The following ELMOD3 variants were observed in gnomAD, a reference collection of about 807,000 sequenced individuals.
The protein encoded by ELMOD3 is ELMO domain containing 3.
Under a neutral mutation model 47.4 loss-of-function variants are expected in ELMOD3, and 36 were observed. The ratio of observed to expected loss-of-function variants is 0.76; its 90% confidence interval spans 0.58 to 1.00. ELMOD3 has a LOEUF of 1.00. ELMOD3 is among the 50% of genes least tolerant of loss of function. The pLI is 0.00. For missense variants in ELMOD3, 404 were observed against 463.8 expected (o/e 0.87, Z 1.18); for synonymous variants, 149 against 183.5 (o/e 0.81, Z 1.52).
intron 6 of ELMOD3, among the ~76,000 whole-genome samples, chr2:85,364,473 A>G (rs1236923072): frequency 1.3e-5 from 2 of 151,524 alleles, no homozygotes; most frequent in African/African-American, 4.9e-5. Context: ...AATCCCAGCT[A>G]CTCAGCAGGC....
intron 6 of ELMOD3, among the ~76,000 whole-genome samples, chr2:85,366,186 G>C (rs1684373577): frequency 6.6e-6 from 1 of 150,418 alleles, no homozygotes; most frequent in Non-Finnish European, 1.5e-5. Context: ...GGCCAGGCTG[G>C]TCTCAAACTC....
chr2:85,372,581 TA>T (rs1684871011), intron 10 of ELMOD3: 1 of 152,310 alleles, frequency 6.6e-6, no homozygotes, highest in East Asian at 1.9e-4. Context: ...TGGATTGTAC[TA>T]TTTTTTTTCA....
At chr2:85,370,958 C>T in intron 8 of ELMOD3, 128 bp from the exon 9 acceptor site, 1 of 1,146,850 alleles carries the variant, frequency 8.7e-7, no homozygotes, top group Non-Finnish European at 1.3e-6. Flanking sequence ...CTTCCCTTGG[C>T]CCAAAGGCCA....
chr2:85,379,495 G>A (rs193130123), intron 11 of ELMOD3, among the ~76,000 whole-genome samples: 5 of 152,308 alleles, frequency 3.3e-5, no homozygotes, highest in South Asian at 2.1e-4. Flanking sequence ...GTGAGCCACC[G>A]TGCCTGGCTG....
Position 85,377,413 on chromosome 2 carries a change from T to C in ELMOD3, c.677T>C (p.Met226Thr), listed in dbSNP as rs201268997. The C allele has an allele frequency of 2.5e-6, 4 of 1,611,842 alleles. No individual in the cohort carries two copies. The African/African-American group carries it at 4.0e-5, about 16-fold the overall frequency. The change falls in exon 11 of 14, where the codon ATG becomes ACG. Residue 226 changes from methionine to threonine, a missense_variant. Met to Thr is a moderately conservative substitution (Grantham distance 81). Transcript: ENST00000409013. ...CTCCTGCATCTGCTCTACCTGGTGA[T>C]GGACTCAAAGACCTTGCCGATGGCG... is the stretch of plus-strand genomic sequence containing the variant. ...LALLHLLYLV[M>T]DSKTLPMAQE... is the part of the protein sequence containing the mutation.
intron 10 of ELMOD3, among the ~76,000 whole-genome samples, chr2:85,373,985 G>A (rs1200382857): frequency 7.1e-6 from 1 of 140,152 alleles, no homozygotes; most frequent in Non-Finnish European, 1.5e-5. Context: ...TAGGTCTGCT[G>A]GCTATAAATT....
intron 10 of ELMOD3, among the ~76,000 whole-genome samples, chr2:85,374,415 C>T (rs774645755): frequency 1.2e-4 from 18 of 152,150 alleles, no homozygotes; most frequent in African/African-American, 3.6e-4. Context: ...GATCTCAGCT[C>T]GCTGCAACCT....
At chr2:85,380,193 G>C (rs565036276) in intron 11 of ELMOD3, among the ~76,000 whole-genome samples, 1 of 152,262 alleles carries the variant, frequency 6.6e-6, no homozygotes, top group Non-Finnish European at 1.5e-5. Context: ...CTCACAAATA[G>C]TTTCCAAATT....
chr2:85,368,846 C>T (rs1053401356), intron 7 of ELMOD3, 92 bp downstream of exon 7: 9 of 1,329,820 alleles, frequency 6.8e-6, no homozygotes, highest in Middle Eastern at 4.6e-4. Flanking sequence ...GAGTCTGGGA[C>T]TAGGAGATAG....
intron 4 of ELMOD3, among the ~76,000 whole-genome samples, chr2:85,358,493 T>C (rs570935220): frequency 6.6e-6 from 1 of 152,058 alleles, no homozygotes; most frequent in East Asian, 1.9e-4. Context: ...GAAAACTACA[T>C]GAACAAAGGG....
Position 85,356,813 on chromosome 2 carries a change from G to A in ELMOD3, c.-232-154G>A, listed in dbSNP as rs62162715. ...GGAGAATCGCTTGAACCCGGGAGGC[G>A]GAGGTTGCAGTGAGCCGAGATCGCA... On this transcript the variant is annotated intron_variant, in intron 3 of 13. Coordinates refer to ENST00000409013, the MANE Select transcript of ELMOD3 (RefSeq NM_001135022.2). 451 of 155,176 alleles carry A rather than the reference G, an allele frequency of 2.9e-3. 1 individual carries two copies. Among genetic ancestry groups the A allele is most frequent in the Non-Finnish European group, 4.6e-3 (326 of 70,252 alleles). The allele number at this position is 155,176 out of a possible 1,614,324, so 9.6% of individuals were successfully genotyped here.
chr2:85,372,020 T>G (rs776571178), intron 10 of ELMOD3: 8 of 157,514 alleles, frequency 5.1e-5, no homozygotes, highest in Non-Finnish European at 9.8e-5. Context: ...AATAGAAAAT[T>G]TAGCCAGGCC....
At chr2:85,368,646 C>A in intron 6 of ELMOD3, 40 bp from the exon 7 acceptor site, 1 of 1,608,252 alleles carries the variant, frequency 6.2e-7, no homozygotes, top group African/African-American at 1.3e-5. Context: ...CCCAGACATA[C>A]CTAGATCTCA....
intron 5 of ELMOD3, among the ~76,000 whole-genome samples, chr2:85,362,595 ATAGT>A (rs2104512801): frequency 6.6e-6 from 1 of 152,274 alleles, no homozygotes; most frequent in Non-Finnish European, 1.5e-5. Context: ...GTTCCACATC[ATAGT>A]TAAAGTTTTC....
chr2:85,385,776 CTTTT>C (rs34751437), intron 11 of ELMOD3, among the ~76,000 whole-genome samples: 1 of 146,814 alleles, frequency 6.8e-6, no homozygotes, highest in Non-Finnish European at 1.5e-5. Flanking sequence ...GTCTAACTTA[CTTTT>C]TTTTTTTAAT....
intron 6 of ELMOD3, among the ~76,000 whole-genome samples, chr2:85,364,381 C>T (rs1000621598): frequency 6.6e-6 from 1 of 151,848 alleles, no homozygotes. Flanking sequence ...GTCAGGAGTT[C>T]AAGACCAGCC....
At chr2:85,370,528 G>C (rs113097731) in intron 8 of ELMOD3, among the ~76,000 whole-genome samples, 5 of 152,226 alleles carry the variant, frequency 3.3e-5, no homozygotes, top group African/African-American at 1.2e-4. Flanking sequence ...GGGGAGAGAG[G>C]CTAAAAAGAT....
At chr2:85,370,358 G>C (rs762801547) in intron 8 of ELMOD3, among the ~76,000 whole-genome samples, 2 of 151,354 alleles carry the variant, frequency 1.3e-5, no homozygotes, top group Non-Finnish European at 2.9e-5. Context: ...TTGAACCCAG[G>C]AGTTCAAGGC....
intron 7 of ELMOD3, 33 bp downstream of exon 7, chr2:85,368,787 C>CTG: frequency 1.2e-6 from 2 of 1,611,450 alleles, no homozygotes; most frequent in Non-Finnish European, 1.7e-6. Context: ...CTCCCCATAG[C>CTG]CCCTCTGCCA....
Sources: allele counts gnomAD v4.1 joint callset (sites outside exome capture counted in the v4.1 genomes callset), GRCh38; gene constraint gnomAD v4.1.1; transcripts MANE v1.5; gene names NCBI Gene and HGNC (gene_info 2026-07-23, HGNC 2026-07-21).